The following MRPS31 variants were observed in gnomAD, a reference collection of about 807,000 sequenced individuals.
MRPS31 encodes the protein mitochondrial ribosomal protein S31, also known as small ribosomal subunit protein mS31.
In MRPS31, 32 loss-of-function variants were observed where a neutral mutation model predicts 43.1. That is an observed-to-expected ratio of 0.74 (90% CI 0.56 to 1.00). The LOEUF (loss-of-function observed/expected upper bound fraction) is 1.00, where lower values mean the gene tolerates loss of function less well. MRPS31 is among the 50% of genes least tolerant of loss of function. The probability of loss-of-function intolerance (pLI) is 0.00; values close to 1 mark genes in which losing one functional copy is unlikely to be tolerated. For synonymous variants in MRPS31, 165 were observed against 161.6 expected (o/e 1.02, Z -0.16); for missense variants, 437 against 466.7 (o/e 0.94, Z 0.59).
At chr13:40,757,251 G>GT (rs762492552) in intron 3 of MRPS31, among the ~76,000 whole-genome samples, 2 of 151,396 alleles carry the variant, frequency 1.3e-5, no homozygotes, top group African/African-American at 2.5e-5. Context: ...CATTTAAAAC[G>GT]TAAGTGTCTC....
intron 2 of MRPS31, among the ~76,000 whole-genome samples, chr13:40,760,721 T>C (rs1331808072): frequency 3.3e-5 from 5 of 151,380 alleles, no homozygotes; most frequent in Admixed American, 3.3e-4. Context: ...TCCCATTTCA[T>C]CCTCCTGAGT....
intron 6 of MRPS31, among the ~76,000 whole-genome samples, chr13:40,739,329 G>A (rs1022816272): frequency 1.1e-4 from 16 of 152,120 alleles, no homozygotes; most frequent in African/African-American, 3.6e-4. Flanking sequence ...CTTATAGATA[G>A]GAAGAATCAA....
At chr13:40,741,373 T>C (rs565388292) in intron 6 of MRPS31, among the ~76,000 whole-genome samples, 2 of 152,310 alleles carry the variant, frequency 1.3e-5, no homozygotes, top group East Asian at 3.9e-4. Flanking sequence ...AGAATGAAAG[T>C]GCATAATATA....
chr13:40,770,834 A>G, intron 1 of MRPS31, 151 bp downstream of exon 1: 6 of 1,003,848 alleles, frequency 6.0e-6, no homozygotes, highest in Non-Finnish European at 9.0e-6. Flanking sequence ...TTTCACGCAC[A>G]CTATGACCTT....
At chr13:40,764,624 G>C (rs981628329) in intron 2 of MRPS31, among the ~76,000 whole-genome samples, 1 of 152,118 alleles carries the variant, frequency 6.6e-6, no homozygotes. Context: ...ACTTTCTCTT[G>C]AGACACCCGC....
intron 6 of MRPS31, among the ~76,000 whole-genome samples, chr13:40,745,888 A>G (rs1258921791): frequency 6.6e-6 from 1 of 152,216 alleles, no homozygotes; most frequent in East Asian, 1.9e-4. Flanking sequence ...AATCCAACAT[A>G]TAAAACTAGT....
intron 1 of MRPS31, among the ~76,000 whole-genome samples, chr13:40,768,586 A>G (rs1020196542): frequency 1.3e-5 from 2 of 152,048 alleles, no homozygotes; most frequent in African/African-American, 4.8e-5. Flanking sequence ...TTGTAGAGAC[A>G]GGGTTTCGCC....
At chr13:40,732,436 A>C (rs933977075) in intron 6 of MRPS31, among the ~76,000 whole-genome samples, 4 of 152,238 alleles carry the variant, frequency 2.6e-5, no homozygotes, top group African/African-American at 9.6e-5. Context: ...TGGTAAAAGA[A>C]CTAAACATGT....
In MRPS31 at chr13:40,766,839, C is replaced by T. The variant is rs769404257; in HGVS notation, c.347G>A (p.Arg116Gln). The T allele has an allele frequency of 1.2e-5, 20 of 1,613,954 alleles. No individual in the cohort carries two copies. Among genetic ancestry groups the T allele is most frequent in the East Asian group, 4.5e-5 (2 of 44,874 alleles). Residue 116 changes from arginine (R) to glutamine (Q), a missense_variant, in exon 2 of 7, where the codon CGA becomes CAA. Coordinates refer to ENST00000323563, the MANE Select transcript of MRPS31 (RefSeq NM_005830.4). ...MKVELSTVNV[R>Q]TTKPPKRRPL... ...TCTTCTTTTGGGGGGCTTTGTTGTT[C>T]GTACATTTACTGTGCTTAATTCAAC...
chr13:40,731,565 A>G (rs1222180641), intron 6 of MRPS31, among the ~76,000 whole-genome samples: 3 of 151,412 alleles, frequency 2.0e-5, no homozygotes, highest in Non-Finnish European at 4.4e-5. Flanking sequence ...CTGGGCAACA[A>G]AGTGAGACTC....
At chr13:40,733,946 T>G (rs1369703626) in intron 6 of MRPS31, among the ~76,000 whole-genome samples, 2 of 113,864 alleles carry the variant, frequency 1.8e-5, no homozygotes, top group African/African-American at 3.5e-5. Context: ...ACAATCAGAG[T>G]GAGACTCTGA....
chr13:40,739,294 T>TA (rs1880012407), intron 6 of MRPS31, among the ~76,000 whole-genome samples: 1 of 152,040 alleles, frequency 6.6e-6, no homozygotes, highest in Non-Finnish European at 1.5e-5. Flanking sequence ...AAGGAGGACA[T>TA]AAACAAATGG....
intron 3 of MRPS31, among the ~76,000 whole-genome samples, chr13:40,758,208 G>C (rs1030751772): frequency 1.3e-5 from 2 of 151,098 alleles, no homozygotes; most frequent in East Asian, 3.9e-4. Flanking sequence ...TCAGGCACAC[G>C]CCACCATGCT....
chr13:40,764,198 G>A (rs1880779993), intron 2 of MRPS31, among the ~76,000 whole-genome samples: 1 of 152,164 alleles, frequency 6.6e-6, no homozygotes, highest in Admixed American at 6.5e-5. Context: ...TGGGATACAG[G>A]CATTGTTTCC....
chr13:40,748,298 C>A (rs1880295783), intron 6 of MRPS31, among the ~76,000 whole-genome samples: 1 of 152,126 alleles, frequency 6.6e-6, no homozygotes, highest in Non-Finnish European at 1.5e-5. Context: ...GCTGGGATTA[C>A]AGGCATGCAC....
At position 40,755,705 on chromosome 13, in the gene MRPS31, C is replaced by T. The variant is rs369930701; in HGVS notation, c.740+1168G>A. Among the ~76,000 whole-genome samples, 3 of 152,302 alleles carry T rather than the reference C, an allele frequency of 2.0e-5. No homozygotes were observed. The East Asian group carries it at 5.8e-4, about 29-fold the overall frequency. On this transcript the variant is annotated intron_variant, in intron 4 of 6. Transcript: ENST00000323563. ...AAACTTGGCGTCTCACCATTGCTTC[C>T]CCTTACTCACCTCTGGCTGGCTTTT...
intron 6 of MRPS31, among the ~76,000 whole-genome samples, chr13:40,734,878 G>A (rs938767196): frequency 4.6e-5 from 7 of 152,150 alleles, no homozygotes; most frequent in African/African-American, 7.2e-5. Context: ...TCTGGGTGAC[G>A]GAGTGAGACC....
intron 6 of MRPS31, among the ~76,000 whole-genome samples, chr13:40,740,806 G>A (rs1391319556): frequency 8.9e-6 from 1 of 111,892 alleles, no homozygotes; most frequent in African/African-American, 3.4e-5. Context: ...GGAGGGGGGA[G>A]GGATAGCACT....
rs139403210 is a variant in MRPS31 at position 40,763,844 on chromosome 13, C to T, written c.440+2902G>A. ...TTCCATCTCTCAAGACATTTGTCTG[C>T]GGAACCCAGCTACCAGGCAAGAAAC... On this transcript the variant is annotated intron_variant, in intron 2 of 6. Coordinates refer to ENST00000323563, the MANE Select transcript of MRPS31 (RefSeq NM_005830.4). Among the ~76,000 whole-genome samples, 258 of 152,278 alleles carry T rather than the reference C, an allele frequency of 1.7e-3. 4 individuals carry two copies. Among genetic ancestry groups the T allele is most frequent in the African/African-American group, 5.8e-3 (242 of 41,552 alleles).
Sources: allele counts gnomAD v4.1 joint callset (sites outside exome capture counted in the v4.1 genomes callset), GRCh38; gene constraint gnomAD v4.1.1; transcripts MANE v1.5; gene names NCBI Gene and HGNC (gene_info 2026-07-23, HGNC 2026-07-21).